ISM1: variants seen among roughly 807,000 people sequenced by gnomAD.
ISM1 encodes isthmin 1, also known as isthmin-1.
A neutral mutation model predicts 46.3 loss-of-function variants in ISM1; 25 were observed. That is an observed-to-expected ratio of 0.54 (90% CI 0.39 to 0.75). The LOEUF (loss-of-function observed/expected upper bound fraction) is 0.75. ISM1 is among the 30% of genes least tolerant of loss of function. ISM1 has a pLI of 0.00. For synonymous variants in ISM1, 255 were observed against 256.7 expected (o/e 0.99, Z 0.06); for missense variants, 536 against 625.4 (o/e 0.86, Z 1.52).
chr20:13,286,413 A>T (rs2040293459), intron 3 of ISM1, among the ~76,000 whole-genome samples: 1 of 151,998 alleles, frequency 6.6e-6, no homozygotes, highest in Admixed American at 6.6e-5. Context: ...CCAATAAGAG[A>T]TGGTAGAGAG....
At chr20:13,268,348 CT>C (rs2040071988) in intron 1 of ISM1, among the ~76,000 whole-genome samples, 8 of 818 alleles carry the variant, frequency 9.8e-3, no homozygotes, top group East Asian at 0.042. Context: ...CTTCTTCTTC[CT>C]CTCTCTCTCT....
At chr20:13,307,089 C>T in the ISM1 span, among the ~76,000 whole-genome samples, 2 of 152,322 alleles carry the variant, frequency 1.3e-5, no homozygotes, top group African/African-American at 2.4e-5. Flanking sequence ...GTTCACACTA[C>T]TCACCAGCAG....
At chr20:13,268,980 A>T (rs535763648) in intron 1 of ISM1, among the ~76,000 whole-genome samples, 1 of 152,256 alleles carries the variant, frequency 6.6e-6, no homozygotes, top group Admixed American at 6.5e-5. Context: ...CTCCAAGAAG[A>T]TATGTATCTG....
intron 4 of ISM1, among the ~76,000 whole-genome samples, chr20:13,290,418 G>T (rs2040339726): frequency 6.6e-6 from 1 of 152,234 alleles, no homozygotes; most frequent in Admixed American, 6.5e-5. Context: ...GGGAGGCCGA[G>T]GCGGGCAGAT....
downstream of ISM1, among the ~76,000 whole-genome samples, chr20:13,304,023 G>A (rs2040479716): frequency 6.6e-6 from 1 of 152,212 alleles, no homozygotes; most frequent in African/African-American, 2.4e-5. Context: ...CTTCCATCTT[G>A]TGGCTCTGCC....
Position 13,268,774 on chromosome 20 carries a change from G to A in ISM1, c.139-1730G>A, listed in dbSNP as rs145396310. ...TTTATAAAAATCCATTCGCAGCTGG[G>A]CTTGGTGGAACGTGCCTGTAATCTC... On this transcript the variant is annotated intron_variant, in intron 1 of 5. Coordinates refer to ENST00000262487, the MANE Select transcript of ISM1 (RefSeq NM_080826.2). 3.8e-4 allele frequency among the ~76,000 whole-genome samples: 58 copies of A among 152,258 alleles called. 1 individual carries two copies. The East Asian group carries it at 0.01, about 27-fold the overall frequency.
intron 1 of ISM1, among the ~76,000 whole-genome samples, chr20:13,253,889 ATGTT>A (rs2039896326): frequency 1.3e-5 from 2 of 151,728 alleles, no homozygotes; most frequent in Non-Finnish European, 2.9e-5. Context: ...GTGTGTGTGT[ATGTT>A]TATACACACA....
chr20:13,322,172 A>G, the ISM1 span, among the ~76,000 whole-genome samples: 1 of 152,212 alleles, frequency 6.6e-6, no homozygotes, highest in African/African-American at 2.4e-5. Context: ...AAAAGCTGCA[A>G]CCTAGCCTAG....
chr20:13,260,928 C>G (rs1333339355), intron 1 of ISM1, among the ~76,000 whole-genome samples: 1 of 152,204 alleles, frequency 6.6e-6, no homozygotes, highest in African/African-American at 2.4e-5. Flanking sequence ...ATCTGAGTGA[C>G]TGGCCATTGG....
At chr20:13,311,594 C>A in the ISM1 span, among the ~76,000 whole-genome samples, 5 of 152,042 alleles carry the variant, frequency 3.3e-5, no homozygotes, top group Admixed American at 6.5e-5. Context: ...TTATGAGATG[C>A]TAGTCAGCTT....
downstream of ISM1, among the ~76,000 whole-genome samples, chr20:13,302,651 C>T (rs1347605884): frequency 6.6e-6 from 1 of 152,178 alleles, no homozygotes; most frequent in Admixed American, 6.5e-5. Flanking sequence ...GGAATGTCTG[C>T]AGTCTCGTTG....
rs866312263 is a variant in ISM1 at position 13,253,242 on chromosome 20, A to C, written c.139-17262A>C. The stretch of plus-strand genomic sequence containing the variant: ...TTCTCACCCTGCGTGTTGATCTCTT[A>C]TGTCACTTGCTCAGTGTGCAGCTTC... On this transcript the variant is annotated intron_variant, in intron 1 of 5. Transcript: ENST00000262487. 2.6e-5 allele frequency among the ~76,000 whole-genome samples: 4 copies of C among 151,408 alleles called. No homozygotes were observed. The Middle Eastern group carries it at 0.014, about 515-fold the overall frequency.
At chr20:13,261,657 T>C (rs1314235038) in intron 1 of ISM1, among the ~76,000 whole-genome samples, 1 of 152,188 alleles carries the variant, frequency 6.6e-6, no homozygotes, top group Non-Finnish European at 1.5e-5. Flanking sequence ...TGAACCCTTT[T>C]CAGGATTCCA....
At chr20:13,222,207 G>A (rs1326413249) in intron 1 of ISM1, among the ~76,000 whole-genome samples, 14 of 152,150 alleles carry the variant, frequency 9.2e-5, no homozygotes, top group Admixed American at 9.2e-4. Context: ...GGTTTGGGAT[G>A]AGCAGAGGAA....
chr20:13,241,223 G>A (rs140677207), intron 1 of ISM1, among the ~76,000 whole-genome samples: 1 of 152,280 alleles, frequency 6.6e-6, no homozygotes, highest in Non-Finnish European at 1.5e-5. Flanking sequence ...AGACTCCAGT[G>A]TCTATTGGGT....
chr20:13,235,602 G>A (rs1433117451), intron 1 of ISM1, among the ~76,000 whole-genome samples: 2 of 152,304 alleles, frequency 1.3e-5, no homozygotes, highest in Middle Eastern at 3.4e-3. Context: ...GCTCTCACAT[G>A]TCATCCTATG....
chr20:13,224,358 G>T (rs1322970878), intron 1 of ISM1, among the ~76,000 whole-genome samples: 1 of 152,188 alleles, frequency 6.6e-6, no homozygotes, highest in East Asian at 1.9e-4. Flanking sequence ...AAATGAGGAG[G>T]TCTGCAAAAG....
chr20:13,287,342 T>A (rs1163382988), intron 3 of ISM1, among the ~76,000 whole-genome samples: 2 of 152,126 alleles, frequency 1.3e-5, no homozygotes, highest in Non-Finnish European at 2.9e-5. Context: ...GTGAGACTTA[T>A]TCACTGCCAC....
chr20:13,232,992 G>A (rs549473180), intron 1 of ISM1, among the ~76,000 whole-genome samples: 66 of 151,978 alleles, frequency 4.3e-4, no homozygotes, highest in African/African-American at 1.5e-3. Flanking sequence ...CCATCATGGT[G>A]GGGGTTGTGA....
Sources: allele counts gnomAD v4.1 joint callset (sites outside exome capture counted in the v4.1 genomes callset), GRCh38; gene constraint gnomAD v4.1.1; transcripts MANE v1.5; gene names NCBI Gene and HGNC (gene_info 2026-07-23, HGNC 2026-07-21).